The following SCRN3 variants were observed in gnomAD, a reference collection of about 807,000 sequenced individuals.
SCRN3 encodes secernin-3.
A neutral mutation model predicts 43.1 loss-of-function variants in SCRN3; 39 were observed. The ratio of observed to expected loss-of-function variants is 0.91; its 90% CI spans 0.70 to 1.18. The LOEUF is 1.18. Among genes scored for constraint, SCRN3 ranks in the 50% most tolerant of loss-of-function variants. The pLI, the probability that SCRN3 is intolerant of heterozygous loss-of-function variation, is 0.00. For missense variants in SCRN3, 484 were observed against 498.0 expected (o/e 0.97, Z 0.27); for synonymous variants, 147 against 163.1 (o/e 0.90, Z 0.75).
At position 174,400,977 on chromosome 2, in the gene SCRN3, A is replaced by T; in HGVS notation, c.342-13A>T. The T allele has an allele frequency of 6.4e-7, 1 of 1,571,240 alleles. No individual in the cohort carries two copies. Among genetic ancestry groups the T allele is most frequent in the Non-Finnish European group, 8.6e-7 (1 of 1,157,658 alleles). On this transcript the variant is annotated splice_polypyrimidine_tract_variant and intron_variant, in intron 3 of 7. Transcript: ENST00000272732. Reference sequence around the variant, plus strand: ...ATTTATTTTAATATGAGAACTTTATATTTTTGTTTTAGACTTGGCCTTGAA... The same window carrying T: ...ATTTATTTTAATATGAGAACTTTATTTTTTTGTTTTAGACTTGGCCTTGAA...
chr2:174,402,880 T>C (rs528831454), intron 4 of SCRN3, among the ~76,000 whole-genome samples: 17 of 152,232 alleles, frequency 1.1e-4, no homozygotes, highest in African/African-American at 3.1e-4. Flanking sequence ...TTTTTGTTTA[T>C]CGTGATCTGT....
chr2:174,397,517 G>A (rs1275191611), intron 1 of SCRN3: 1 of 431,116 alleles, frequency 2.3e-6, no homozygotes, highest in African/African-American at 2.1e-5. Flanking sequence ...CTGAATCAAT[G>A]AGTCTGTTTC....
In SCRN3 at chr2:174,396,034, A is replaced by G. The variant is rs1402859232; in HGVS notation, c.-10+217A>G. ...ATTACTTTCTGTGGACTCTGACTCG[A>G]GCTGCAAAAGCTTTTCTGCACTGTT... On this transcript the variant is annotated intron_variant, in intron 1 of 7. Transcript: ENST00000272732. 2.3e-6 allele frequency: 3 copies of G among 1,305,114 alleles called. No homozygotes were observed. In the African/African-American group the frequency reaches 4.5e-5, roughly 20 times the overall value. The allele number at this position is 1,305,114 out of a possible 1,614,324, so 80.8% of individuals were successfully genotyped here.
rs1292308270 is a variant in SCRN3 at position 174,425,824 on chromosome 2, A to T, written c.1092+1175A>T. On this transcript the variant is annotated intron_variant, in intron 7 of 7. Coordinates refer to ENST00000272732, the MANE Select transcript of SCRN3 (RefSeq NM_024583.5). ...AGCTGGGTTCTGGTCCTGGCTCTGT[A>T]AATAACTACTTTTGTGTGTTAGGGA... Among the ~76,000 whole-genome samples, 9 of 152,182 alleles carry T rather than the reference A, an allele frequency of 5.9e-5. No homozygotes were observed. The East Asian group carries it at 1.7e-3, about 29-fold the overall frequency.
intron 5 of SCRN3, among the ~76,000 whole-genome samples, chr2:174,406,844 T>C (rs1685712572): frequency 7.4e-6 from 1 of 134,572 alleles, no homozygotes; most frequent in Admixed American, 7.5e-5. Flanking sequence ...TTTGATGTGC[T>C]GCTGGATTTG....
chr2:174,400,653 G>A (rs370854597), intron 3 of SCRN3, among the ~76,000 whole-genome samples: 1 of 152,090 alleles, frequency 6.6e-6, no homozygotes, highest in South Asian at 2.1e-4. Context: ...TTCATTGGAA[G>A]TACCTAACAT....
At chr2:174,396,001 T>A in intron 1 of SCRN3, 184 bp downstream of exon 1, 1 of 1,364,762 alleles carries the variant, frequency 7.3e-7, no homozygotes, top group South Asian at 1.9e-5. Flanking sequence ...TGCTTGAAGC[T>A]CGAGCCCATT....
At chr2:174,398,061 C>G (rs542576893) in intron 1 of SCRN3, 1 of 278,606 alleles carries the variant, frequency 3.6e-6, no homozygotes, top group Non-Finnish European at 6.6e-6. Context: ...CCAGGAGTTC[C>G]AGGCTGCAGT....
chr2:174,423,861 A>G (rs1024310789), intron 6 of SCRN3, among the ~76,000 whole-genome samples: 24 of 142,166 alleles, frequency 1.7e-4, no homozygotes, highest in Non-Finnish European at 3.6e-4. Context: ...CACAGTCAGC[A>G]TGCTGTAGCC....
At chr2:174,410,684 T>G (rs1190593369) in intron 5 of SCRN3, among the ~76,000 whole-genome samples, 1 of 152,216 alleles carries the variant, frequency 6.6e-6, no homozygotes, top group Non-Finnish European at 1.5e-5. Context: ...CTGCTGCTGC[T>G]GTTATTTATT....
chr2:174,417,369 A>G (rs911521063), intron 5 of SCRN3, among the ~76,000 whole-genome samples: 8 of 152,188 alleles, frequency 5.3e-5, no homozygotes, highest in African/African-American at 1.9e-4. Flanking sequence ...ATCAAGGGCC[A>G]GATACTGTGC....
At chr2:174,420,923 A>G (rs904916329) in intron 5 of SCRN3, among the ~76,000 whole-genome samples, 1 of 152,202 alleles carries the variant, frequency 6.6e-6, no homozygotes, top group South Asian at 2.1e-4. Context: ...ATACTGGCCA[A>G]GAATTTCCCC....
intron 5 of SCRN3, among the ~76,000 whole-genome samples, chr2:174,417,704 T>C (rs1291624620): frequency 6.6e-6 from 1 of 152,232 alleles, no homozygotes; most frequent in South Asian, 2.1e-4. Context: ...AATTATATTA[T>C]TCTCTAAGCA....
At chr2:174,400,221 C>A in intron 3 of SCRN3, 118 bp downstream of exon 3, 1 of 712,938 alleles carries the variant, frequency 1.4e-6, no homozygotes, top group Non-Finnish European at 2.2e-6. Flanking sequence ...CAGTTTGTGT[C>A]AAAATGGTTT....
At chr2:174,415,722 G>A (rs1686082354) in intron 5 of SCRN3, among the ~76,000 whole-genome samples, 1 of 152,136 alleles carries the variant, frequency 6.6e-6, no homozygotes, top group Non-Finnish European at 1.5e-5. Flanking sequence ...TCAGCTCACT[G>A]CAACCTCTGC....
intron 5 of SCRN3, among the ~76,000 whole-genome samples, chr2:174,408,305 T>G (rs1181161302): frequency 8.5e-6 from 1 of 118,318 alleles, no homozygotes; most frequent in East Asian, 2.5e-4. Flanking sequence ...TTGTTTTCCA[T>G]TTGCTTGGTA....
chr2:174,427,658 G>A lies in SCRN3; in HGVS notation c.1093-55G>A, dbSNP rs922720915. 4.5e-6 allele frequency: 5 copies of A among 1,109,692 alleles called. No individual in the cohort carries two copies. In the African/African-American group the frequency reaches 8.1e-5, roughly 18 times the overall value. 68.7% of individuals were successfully genotyped at this position (1,109,692 alleles called of 1,614,324 possible). ...TATTTGTAGAGATGGGTTGAATTTG[G>A]TTAGATTTATGTGTATATGTATATG... On this transcript the variant is annotated intron_variant, in intron 7 of 7. Transcript: ENST00000272732.
intron 5 of SCRN3, among the ~76,000 whole-genome samples, chr2:174,404,551 AC>A (rs1383543121): frequency 7.0e-6 from 1 of 143,426 alleles, no homozygotes; most frequent in Non-Finnish European, 1.5e-5. Flanking sequence ...GGTGCACTGC[AC>A]CCACTAACTC....
intron 4 of SCRN3, among the ~76,000 whole-genome samples, chr2:174,402,110 CAT>C (rs1164456016): frequency 6.6e-6 from 1 of 152,156 alleles, no homozygotes; most frequent in Non-Finnish European, 1.5e-5. Context: ...TTATGTTTTG[CAT>C]ATATGTTTAT....
Sources: gnomAD v4.1 joint callset for allele counts (sites outside exome capture counted in the v4.1 genomes callset) on GRCh38, gnomAD v4.1.1 for gene constraint, MANE v1.5 for transcripts, NCBI Gene and HGNC (gene_info 2026-07-23, HGNC 2026-07-21) for gene names.